UBAC1: variants seen among roughly 807,000 people sequenced by gnomAD.
UBAC1 encodes ubiquitin-associated domain-containing protein 1.
In UBAC1, 27 loss-of-function variants were observed where a neutral mutation model predicts 45.9. The ratio of observed to expected loss-of-function variants is 0.59; its 90% CI spans 0.43 to 0.81. The LOEUF is 0.81. UBAC1 is among the 30% of genes least tolerant of loss of function. The probability of loss-of-function intolerance (pLI) is 0.00; values close to 1 mark genes in which losing one functional copy is unlikely to be tolerated. For missense variants in UBAC1, 529 were observed against 539.2 expected (o/e 0.98, Z 0.19); for synonymous variants, 227 against 215.5 (o/e 1.05, Z -0.47).
rs147568418 is a variant in UBAC1, at chr9:135,933,430, A to G, written c.1188T>C (p.Ser396=). 142 of 1,614,088 alleles carry G rather than the reference A, an allele frequency of 8.8e-5. 1 individual carries two copies. In the Middle Eastern group the frequency reaches 1.5e-3, roughly 17 times the overall value. Residue 396 remains serine, a synonymous_variant, in exon 10 of 10, where the codon TCT becomes TCC. Transcript: ENST00000371756. ...TGCGATTTAGTGTCTGGAAGATTCT[A>G]GAGATCTGCAGCATGACAGGCCCCG... ...PETGPVMLQI[S]RIFQTLNRT
Position 135,961,057 on chromosome 9 carries a change from CCGAGGTGTCCTCGGTG to C in UBAC1, c.90_105del (p.Thr31TrpfsTer17). 6.3e-7 allele frequency: 1 copy of C among 1,579,236 alleles called. No individual in the cohort carries two copies. The highest frequency in any genetic ancestry group is 1.1e-5 in the South Asian group (1 of 87,748). ...AGGCAGCGCTCCTTGAGCTTCTCCACCGAGGTGTCCTCGGTGGCCTCCTCCAGCCACTCGGCGCCGT... is the reference window on the plus strand; with the variant it reads ...AGGCAGCGCTCCTTGAGCTTCTCCACGCCTCCTCCAGCCACTCGGCGCCGT... On this transcript the variant is annotated frameshift_variant, in exon 1 of 10. Transcript: ENST00000371756. LOFTEE classifies it high-confidence loss of function.
Position 135,961,295 on chromosome 9 carries a change from T to C in UBAC1, c.-133A>G. ...GGCCGCCGCCCCGCCCCGGCTCCCGTCGGCCGGGCCGCCGTCACTCTCCGC... is the reference window on the plus strand; with the variant it reads ...GGCCGCCGCCCCGCCCCGGCTCCCGCCGGCCGGGCCGCCGTCACTCTCCGC... On this transcript the variant is annotated 5_prime_UTR_variant, in exon 1 of 10. Transcript: ENST00000371756. The C allele has an allele frequency of 2.6e-6, 2 of 765,398 alleles. No individual in the cohort carries two copies. Among genetic ancestry groups the C allele is most frequent in the Non-Finnish European group, 1.6e-6 (1 of 611,632 alleles). The allele number at this position is 765,398 out of a possible 1,614,324, so 47.4% of individuals were successfully genotyped here.
At chr9:135,954,792 C>T (rs1318202164) in intron 2 of UBAC1, among the ~76,000 whole-genome samples, 2 of 152,196 alleles carry the variant, frequency 1.3e-5, no homozygotes, top group African/African-American at 2.4e-5. Flanking sequence ...GTCATCTCAG[C>T]GGATATCTGT....
intron 9 of UBAC1, among the ~76,000 whole-genome samples, chr9:135,935,417 G>T (rs180703097): frequency 1.3e-5 from 2 of 152,150 alleles, no homozygotes; most frequent in African/African-American, 4.8e-5. Context: ...AGGCAGAGGT[G>T]GGGGGAGCGC....
chr9:135,955,935 C>A (rs7029359), intron 1 of UBAC1, among the ~76,000 whole-genome samples: 105,495 of 151,982 alleles, frequency 0.69, 36,724 homozygotes, highest in East Asian at 0.76. Flanking sequence ...AAGTAACAGC[C>A]ATGCTGCATC....
intron 3 of UBAC1, among the ~76,000 whole-genome samples, chr9:135,951,667 G>A (rs148044627): frequency 3.9e-5 from 6 of 152,034 alleles, no homozygotes; most frequent in East Asian, 1.9e-4. Flanking sequence ...AAGATTAGCC[G>A]GGCGTGGTGG....
At chr9:135,950,290 G>A (rs1839392782) in intron 3 of UBAC1, among the ~76,000 whole-genome samples, 1 of 152,208 alleles carries the variant, frequency 6.6e-6, no homozygotes, top group South Asian at 2.1e-4. Flanking sequence ...CGGAAAACTT[G>A]CATAGACTTA....
chr9:135,939,895 C>T (rs986008954), intron 7 of UBAC1, 136 bp from the exon 8 acceptor site: 17 of 690,304 alleles, frequency 2.5e-5, no homozygotes, highest in South Asian at 1.8e-4. Context: ...TGTCCGTCCA[C>T]GTTCTTTCCT....
chr9:135,947,545 C>T (rs1839352760), intron 4 of UBAC1: 2 of 419,532 alleles, frequency 4.8e-6, no homozygotes, highest in African/African-American at 4.1e-5. Flanking sequence ...AAACTCAGGG[C>T]CGGATTGACG....
chr9:135,940,295 T>C (rs1463181071), intron 7 of UBAC1, among the ~76,000 whole-genome samples: 1 of 151,116 alleles, frequency 6.6e-6, no homozygotes, highest in Non-Finnish European at 1.5e-5. Flanking sequence ...AAAAAAATCC[T>C]AGGGCCGGGC....
intron 7 of UBAC1, among the ~76,000 whole-genome samples, chr9:135,944,690 G>C (rs891617601): frequency 5.3e-5 from 8 of 152,360 alleles, no homozygotes; most frequent in South Asian, 2.1e-4. Context: ...TGCCGAACAG[G>C]GGGGGCTTGT....
intron 5 of UBAC1, 73 bp downstream of exon 5, chr9:135,946,196 G>T: frequency 8.6e-7 from 1 of 1,168,774 alleles, no homozygotes; most frequent in Non-Finnish European, 1.3e-6. Flanking sequence ...AGTGGTCAGT[G>T]CGTGGAGCTG....
At chr9:135,943,374 C>G (rs1481499561) in intron 7 of UBAC1, among the ~76,000 whole-genome samples, 1 of 152,170 alleles carries the variant, frequency 6.6e-6, no homozygotes, top group African/African-American at 2.4e-5. Context: ...CATCACTGAT[C>G]ATTAGAGAAA....
At chr9:135,939,447 C>G (rs1839241257) in intron 8 of UBAC1, among the ~76,000 whole-genome samples, 1 of 151,918 alleles carries the variant, frequency 6.6e-6, no homozygotes, top group Admixed American at 6.6e-5. Flanking sequence ...GCCTGACACA[C>G]TCACTCACCA....
At chr9:135,958,208 G>A (rs913758770) in intron 1 of UBAC1, among the ~76,000 whole-genome samples, 8 of 151,872 alleles carry the variant, frequency 5.3e-5, no homozygotes, top group Non-Finnish European at 1.0e-4. Flanking sequence ...CACCACGCCC[G>A]GCTAATTTTT....
chr9:135,947,819 C>T lies in UBAC1; in HGVS notation c.420G>A (p.Ala140=), dbSNP rs898083747. The T allele has an allele frequency of 4.3e-6, 7 of 1,613,890 alleles. No homozygotes were observed. The highest frequency in any genetic ancestry group is 1.3e-5 in the African/African-American group (1 of 74,932). The change falls in exon 4 of 10, where the codon GCG becomes GCA. Residue 140 remains alanine (A), a synonymous_variant. Transcript: ENST00000371756. ...TCACGTCTCTCATGTTGGTCTGGAC[C>T]GCGGCCCGGTCCATGTTGTAGGAGG... ...NLPSYNMDRA[A]VQTNMRDFQT...
intron 7 of UBAC1, among the ~76,000 whole-genome samples, chr9:135,942,650 CAA>C (rs35653463): frequency 1.9e-4 from 18 of 95,762 alleles, no homozygotes; most frequent in Admixed American, 3.2e-4. Context: ...GAAACTGTCT[CAA>C]AAAAAAAAAA....
chr9:135,937,754 T>C (rs575608295), intron 9 of UBAC1, among the ~76,000 whole-genome samples: 1 of 152,342 alleles, frequency 6.6e-6, no homozygotes, highest in South Asian at 2.1e-4. Context: ...AGCTGAATAG[T>C]AGATACATGG....
At chr9:135,934,192 A>C (rs1413597177) in intron 9 of UBAC1, among the ~76,000 whole-genome samples, 1 of 152,174 alleles carries the variant, frequency 6.6e-6, no homozygotes, top group African/African-American at 2.4e-5. Context: ...CCAGGTCTAC[A>C]GGCTCCAGGG....
Sources: gnomAD v4.1 joint callset for allele counts (sites outside exome capture counted in the v4.1 genomes callset) on GRCh38, gnomAD v4.1.1 for gene constraint, MANE v1.5 for transcripts, NCBI Gene and HGNC (gene_info 2026-07-23, HGNC 2026-07-21) for gene names.